Variants in MEGF6 observed in about 807,000 individuals in gnomAD.
MEGF6 encodes the protein multiple epidermal growth factor-like domains protein 6.
Under a neutral mutation model 207.1 loss-of-function variants are expected in MEGF6, and 184 were observed. The observed-to-expected ratio is 0.89, with a 90% CI of 0.79 to 1.00. The LOEUF (loss-of-function observed/expected upper bound fraction) is 1.00. Ranked by LOEUF, MEGF6 falls within the 50% of genes least tolerant of loss-of-function variation. The pLI is 0.00. For synonymous variants in MEGF6, 1,038 were observed against 910.0 expected (o/e 1.14, Z -2.53); for missense variants, 2,282 against 2,202.9 (o/e 1.04, Z -0.72).
chr1:3,524,402 C>G (rs1331528226), intron 4 of MEGF6, among the ~76,000 whole-genome samples, 156 bp from the exon 5 acceptor site: 2 of 152,202 alleles, frequency 1.3e-5, no homozygotes, highest in African/African-American at 4.8e-5. Context: ...GGAGACGCAG[C>G]AGAAGAGACA....
chr1:3,539,154 G>A (rs1299725706), intron 4 of MEGF6, among the ~76,000 whole-genome samples: 4 of 152,148 alleles, frequency 2.6e-5, no homozygotes, highest in African/African-American at 9.7e-5. Context: ...GTGCCCTGGG[G>A]AAGAGATGGG....
chr1:3,598,055 GC>G (rs1345586789), intron 2 of MEGF6, among the ~76,000 whole-genome samples: 2 of 152,180 alleles, frequency 1.3e-5, no homozygotes, highest in Admixed American at 6.5e-5. Flanking sequence ...AGATGCGCCC[GC>G]CCCGGGCCTG....
intron 4 of MEGF6, among the ~76,000 whole-genome samples, chr1:3,579,242 G>A (rs553548838): frequency 5.3e-5 from 8 of 152,322 alleles, no homozygotes; most frequent in South Asian, 2.1e-4. Context: ...GCTTTTCCCC[G>A]CATTGGCACG....
intron 4 of MEGF6, among the ~76,000 whole-genome samples, chr1:3,530,416 TCCCTCCTCCAATTCCACC>T (rs1642111867): frequency 6.6e-6 from 1 of 151,770 alleles, no homozygotes; most frequent in African/African-American, 2.4e-5. Context: ...AACCCCACAC[TCCCTCCTCCAATTCCACC>T]CCCTCCTCCA....
rs1273166682 is a variant in MEGF6, at chr1:3,501,274, C to T, written c.2349G>A (p.Gln783=). The T allele has an allele frequency of 3.7e-6, 6 of 1,606,450 alleles. No individual in the cohort carries two copies. The South Asian group carries it at 6.6e-5, about 18-fold the overall frequency. Residue 783 remains glutamine, a synonymous_variant, in exon 19 of 37, where the codon CAG becomes CAA. Coordinates refer to ENST00000356575, the MANE Select transcript of MEGF6 (RefSeq NM_001409.4). The part of the protein sequence containing the change: ...CPEGRWGLGC[Q]EICPACQHAA... ...CGTGCTGGCATGCTGGGCAGATCTC[C>T]TGGCAGCCCAGCCCCCAGCGGCCCT...
rs1403572484 is a variant in MEGF6 at position 3,573,342 on chromosome 1, C to A, written c.481+6483G>T. Among the ~76,000 whole-genome samples the A allele has an allele frequency of 2.0e-5, 3 of 152,224 alleles. No homozygotes were observed. The highest frequency in any genetic ancestry group is 7.2e-5 in the African/African-American group (3 of 41,454). ...CTCACACCAGACACAAAAAGCCTCCCCCAGGGTGGCCTCCTGGCTGAGCCA... is the reference window on the plus strand; with the variant it reads ...CTCACACCAGACACAAAAAGCCTCCACCAGGGTGGCCTCCTGGCTGAGCCA... On this transcript the variant is annotated intron_variant, in intron 4 of 36. Coordinates refer to ENST00000356575, the MANE Select transcript of MEGF6 (RefSeq NM_001409.4). This position sits in a 1 kb window ranked among gnomAD's most constrained non-coding sequence, Gnocchi z 5.1.
chr1:3,587,275 G>A (rs913529508), intron 3 of MEGF6, among the ~76,000 whole-genome samples: 4 of 152,232 alleles, frequency 2.6e-5, no homozygotes, highest in African/African-American at 4.8e-5. Flanking sequence ...GGCTGTCCTC[G>A]TGGAAAGAAG....
chr1:3,490,975 A>C lies in MEGF6; in HGVS notation c.4517-16T>G, dbSNP rs1406426826. On this transcript the variant is annotated splice_polypyrimidine_tract_variant and intron_variant, in intron 35 of 36. Coordinates refer to ENST00000356575, the MANE Select transcript of MEGF6 (RefSeq NM_001409.4). The stretch of plus-strand genomic sequence containing the variant: ...AGGGGCCCACCTGGAGGGGAGAGAG[A>C]GCAGGCCATGTTAGTACCCCCAGCC... The C allele has an allele frequency of 6.3e-7, 1 of 1,590,602 alleles. No individual in the cohort carries two copies. Among genetic ancestry groups the C allele is most frequent in the East Asian group, 2.2e-5 (1 of 44,686 alleles).
intron 2 of MEGF6, among the ~76,000 whole-genome samples, chr1:3,599,107 T>C (rs1016388111): frequency 2.0e-5 from 3 of 152,188 alleles, no homozygotes; most frequent in African/African-American, 7.2e-5. Context: ...GGCTGACGCC[T>C]GCTGCCCTTC....
chr1:3,569,409 C>T lies in MEGF6; in HGVS notation c.481+10416G>A, dbSNP rs74048633. Among the ~76,000 whole-genome samples the T allele has an allele frequency of 7.9e-3, 1,211 of 152,374 alleles. 17 individuals are homozygous for T. The highest frequency in any genetic ancestry group is 0.028 in the African/African-American group (1,163 of 41,584). Reference sequence around the variant, plus strand: ...AGAACTGCCAGGGGCTCAGTATCCCCATCTGTGAAGTGGAACAGGCACAGC... The same window carrying T: ...AGAACTGCCAGGGGCTCAGTATCCCTATCTGTGAAGTGGAACAGGCACAGC... On this transcript the variant is annotated intron_variant, in intron 4 of 36. Coordinates refer to ENST00000356575, the MANE Select transcript of MEGF6 (RefSeq NM_001409.4).
chr1:3,536,580 C>A (rs1557758850), intron 4 of MEGF6, among the ~76,000 whole-genome samples: 1 of 152,318 alleles, frequency 6.6e-6, no homozygotes, highest in East Asian at 1.9e-4. Flanking sequence ...GTGCCGCCAC[C>A]GAGCACGTCC....
intron 36 of MEGF6, 128 bp from the exon 37 acceptor site, chr1:3,490,717 G>T (rs1640319773): frequency 7.9e-6 from 9 of 1,140,842 alleles, no homozygotes; most frequent in Non-Finnish European, 5.1e-6. Context: ...GGTGGGTGGG[G>T]CCCACCCATC....
intron 1 of MEGF6, among the ~76,000 whole-genome samples, chr1:3,603,078 C>T (rs78970717): frequency 2.0e-5 from 3 of 152,158 alleles, no homozygotes; most frequent in Non-Finnish European, 4.4e-5. Flanking sequence ...GTGAAGTCAG[C>T]GGCTCCCCGG....
In MEGF6 at chr1:3,511,565, G is replaced by A. The variant is rs1641344641; in HGVS notation, c.1099C>T (p.Gln367Ter). The change falls in exon 9 of 37, where the codon CAG (glutamine) becomes TAG (stop). Residue 367 changes from glutamine to a stop codon, truncating the protein, a stop_gained. Transcript: ENST00000356575. LOFTEE classifies it high-confidence loss of function. ...CPRGYELDTD[Q>*]RTCIDVDDCA... ...CAGTGCGCACCGATGCAGGTCCTCT[G>A]ATCTGTGTCCAGCTCGTAGCCGCGG... 1.2e-6 allele frequency: 2 copies of A among 1,610,596 alleles called. No individual in the cohort carries two copies. Among genetic ancestry groups the A allele is most frequent in the South Asian group, 1.1e-5 (1 of 90,984 alleles).
chr1:3,509,776 G>A, intron 11 of MEGF6, 94 bp downstream of exon 11: 3 of 1,429,610 alleles, frequency 2.1e-6, no homozygotes, highest in Non-Finnish European at 9.2e-7. Flanking sequence ...CAGGCAGGTG[G>A]GGGTGGGGTG....
upstream of MEGF6, among the ~76,000 whole-genome samples, chr1:3,611,699 C>A (rs2101920340): frequency 7.0e-6 from 1 of 142,314 alleles, no homozygotes; most frequent in African/African-American, 2.6e-5. Flanking sequence ...CTCACCCCAG[C>A]CCGGCTCCTG....
Position 3,499,200 on chromosome 1 carries a change from C to G in MEGF6, c.3032G>C (p.Cys1011Ser), listed in dbSNP as rs1234047817. ...GTGGCACTGCCCGTGGACAGGGTCA[C>G]AGGAGGCCCCGTTAAAGCAGGCACA... ...QACACFNGAS[C>S]DPVHGQCHCA... The change falls in exon 24 of 37, where the codon TGT becomes TCT. Residue 1011 changes from cysteine (C) to serine (S), a missense_variant. By Grantham distance (112) the Cys-to-Ser change is moderately radical (BLOSUM62 -1). Transcript: ENST00000356575. 10 of 1,604,370 alleles carry G rather than the reference C, an allele frequency of 6.2e-6. No individual in the cohort carries two copies. Among genetic ancestry groups the G allele is most frequent in the Non-Finnish European group, 8.5e-6 (10 of 1,176,652 alleles).
At position 3,509,062 on chromosome 1, in the gene MEGF6, G is replaced by A; in HGVS notation, c.1528+13C>T. The A allele has an allele frequency of 6.4e-7, 1 of 1,563,580 alleles. No individual in the cohort carries two copies. The highest frequency in any genetic ancestry group is 8.6e-7 in the Non-Finnish European group (1 of 1,156,202). On this transcript the variant is annotated intron_variant, in intron 12 of 36. Transcript: ENST00000356575. ...TGCGAGCAGGAGCCCCCGGGGGCTG[G>A]GCCCGCGCTCACCAAACTTCTCTGT...
rs534289827 is a variant in MEGF6 at position 3,541,757 on chromosome 1, C to T, written c.482-17511G>A. Among the ~76,000 whole-genome samples the T allele has an allele frequency of 6.1e-4, 93 of 152,008 alleles. 1 individual carries two copies. Among genetic ancestry groups the T allele is most frequent in the Middle Eastern group, 3.4e-3 (1 of 294 alleles). On this transcript the variant is annotated intron_variant, in intron 4 of 36. Transcript: ENST00000356575. ...TGAAAGGCCGAGCCCACAGTGGCAG[C>T]AGAGAGTGGGCGGGGATGGGTGGGA...
Sources: allele counts gnomAD v4.1 joint callset (sites outside exome capture counted in the v4.1 genomes callset), GRCh38; gene constraint gnomAD v4.1.1; non-coding constraint Gnocchi (gnomAD v3.1); transcripts MANE v1.5; gene names NCBI Gene and HGNC (gene_info 2026-07-23, HGNC 2026-07-21).